Variants in VWA8 observed in about 807,000 individuals in gnomAD.
VWA8 encodes the protein von Willebrand factor A domain containing 8.
VWA8 carries 221 observed loss-of-function variants against 241.5 expected under a neutral mutation model. The observed-to-expected ratio is 0.91, with a 90% CI of 0.82 to 1.02. The LOEUF (loss-of-function observed/expected upper bound fraction) is 1.02. Among genes scored for constraint, VWA8 ranks in the 50% least tolerant of loss-of-function variants. VWA8 has a pLI of 0.00. For missense variants in VWA8, 2,322 were observed against 2,328.7 expected, an observed-to-expected ratio of 1.00 and a Z score of 0.06; for synonymous variants, 852 against 827.1, an observed-to-expected ratio of 1.03 and a Z score of -0.52.
chr13:41,852,444 A>G (rs1189844481), intron 12 of VWA8, among the ~76,000 whole-genome samples: 2 of 152,032 alleles, frequency 1.3e-5, no homozygotes, highest in Non-Finnish European at 2.9e-5. Flanking sequence ...AGTTTGATGC[A>G]TTTATCTCAT....
intron 9 of VWA8, among the ~76,000 whole-genome samples, chr13:41,877,759 C>G (rs1032651606): frequency 3.9e-5 from 6 of 152,066 alleles, no homozygotes; most frequent in African/African-American, 1.4e-4. Context: ...TACTAGAAGC[C>G]TGGATGTATT....
intron 12 of VWA8, among the ~76,000 whole-genome samples, chr13:41,855,493 C>A (rs1872713059): frequency 6.6e-6 from 1 of 150,594 alleles, no homozygotes. Flanking sequence ...AGGTAGTCAG[C>A]AATTAAAAGG....
At chr13:41,819,523 T>C (rs1870857045) in intron 14 of VWA8, 137 bp from the exon 15 acceptor site, 3 of 980,384 alleles carry the variant, frequency 3.1e-6, no homozygotes, top group South Asian at 1.8e-5. Context: ...GGATTAGCTT[T>C]GAAAAAAACA....
intron 37 of VWA8, among the ~76,000 whole-genome samples, chr13:41,616,036 T>C (rs1337668667): frequency 6.6e-6 from 1 of 152,198 alleles, no homozygotes; most frequent in Non-Finnish European, 1.5e-5. Context: ...ACAAAGCCAT[T>C]GACGATTGGT....
chr13:41,695,594 T>C (rs902950534), intron 29 of VWA8, among the ~76,000 whole-genome samples: 1 of 152,298 alleles, frequency 6.6e-6, no homozygotes, highest in Middle Eastern at 3.4e-3. Flanking sequence ...GACAGAGGTA[T>C]ATTGTAAAAT....
intron 1 of VWA8, among the ~76,000 whole-genome samples, chr13:41,959,606 C>CGTTTTTTT (rs1878513145): frequency 1.3e-5 from 1 of 79,648 alleles, no homozygotes; most frequent in African/African-American, 4.4e-5. Flanking sequence ...CCTAAATATG[C>CGTTTTTTT]TTTTTTTTTT....
chr13:41,809,946 T>G (rs1223449012), intron 17 of VWA8, among the ~76,000 whole-genome samples: 3 of 152,010 alleles, frequency 2.0e-5, no homozygotes, highest in African/African-American at 7.2e-5. Flanking sequence ...AAGATCTGAA[T>G]AGAAATTTCT....
chr13:41,759,262 T>A (rs766744915), intron 21 of VWA8, among the ~76,000 whole-genome samples: 1 of 151,646 alleles, frequency 6.6e-6, no homozygotes, highest in Non-Finnish European at 1.5e-5. Flanking sequence ...AATTGAATTG[T>A]GGTTCATATT....
intron 5 of VWA8, 64 bp from the exon 6 acceptor site, chr13:41,887,425 C>T (rs1174039418): frequency 1.1e-5 from 17 of 1,519,246 alleles, no homozygotes; most frequent in Non-Finnish European, 1.3e-5. Flanking sequence ...GTAAGAGCTG[C>T]CAAGTCCAGG....
chr13:41,949,654 T>C (rs1028534825), intron 2 of VWA8, among the ~76,000 whole-genome samples: 6 of 151,912 alleles, frequency 3.9e-5, no homozygotes, highest in Non-Finnish European at 7.4e-5. Context: ...GTGCATTATA[T>C]GTAAATCTTA....
chr13:41,615,036 C>A lies in VWA8; in HGVS notation c.4660G>T (p.Gly1554Trp), dbSNP rs190408463. 35 of 1,613,822 alleles carry A rather than the reference C, an allele frequency of 2.2e-5. No individual in the cohort carries two copies. Among genetic ancestry groups the A allele is most frequent in the Middle Eastern group, 1.7e-4 (1 of 5,948 alleles). The change falls in exon 38 of 45, where the codon GGG (glycine) becomes TGG (tryptophan). Residue 1554 changes from glycine (G) to tryptophan (W), a missense_variant. Physicochemically the swap from Gly to Trp is radical, Grantham distance 184 (BLOSUM62 -2). Transcript: ENST00000379310. ...GGCATGTTGTCTGGGTCCTCCTTCC[C>A]GTGTTTGGGGGAGCTTACATCTTCA... The part of the protein sequence containing the change: ...SGEDVSSPKH[G>W]KEDPDNMPHV...
chr13:41,945,000 A>C (rs573286672), intron 2 of VWA8, among the ~76,000 whole-genome samples: 4 of 152,208 alleles, frequency 2.6e-5, no homozygotes, highest in African/African-American at 4.8e-5. Flanking sequence ...AAGGCCATGC[A>C]TATATTCAGG....
chr13:41,619,897 T>C (rs2044645738), intron 37 of VWA8, among the ~76,000 whole-genome samples: 1 of 152,210 alleles, frequency 6.6e-6, no homozygotes, highest in African/African-American at 2.4e-5. Flanking sequence ...GATTTTTGCA[T>C]CGATGTTCAT....
At chr13:41,753,897 T>C (rs1303723785) in intron 21 of VWA8, among the ~76,000 whole-genome samples, 1 of 152,162 alleles carries the variant, frequency 6.6e-6, no homozygotes, top group East Asian at 1.9e-4. Context: ...TCTTAAACAT[T>C]CTTTATAGAC....
intron 20 of VWA8, among the ~76,000 whole-genome samples, chr13:41,764,907 T>C (rs1013883898): frequency 5.9e-5 from 9 of 152,162 alleles, no homozygotes; most frequent in Non-Finnish European, 1.5e-5. Flanking sequence ...TCTGATGGAA[T>C]GGTACGGTGG....
At chr13:41,934,116 CAA>C (rs551457747) in intron 2 of VWA8, among the ~76,000 whole-genome samples, 4 of 122,068 alleles carry the variant, frequency 3.3e-5, no homozygotes, top group Admixed American at 8.1e-5. Flanking sequence ...AAAAGCAACT[CAA>C]AAAAAAAAAA....
chr13:41,614,844 C>T (rs1356297761), intron 38 of VWA8, 132 bp downstream of exon 38: 1 of 888,726 alleles, frequency 1.1e-6, no homozygotes, highest in Non-Finnish European at 1.7e-6. Context: ...GGCAAGACAA[C>T]AATCCAACTG....
intron 43 of VWA8, among the ~76,000 whole-genome samples, chr13:41,572,151 C>T (rs919102631): frequency 6.6e-6 from 1 of 151,924 alleles, no homozygotes; most frequent in Non-Finnish European, 1.5e-5. Flanking sequence ...CTCCGCCTGG[C>T]AGCCGCCCCG....
intron 41 of VWA8, among the ~76,000 whole-genome samples, chr13:41,589,589 T>C (rs1381571537): frequency 1.3e-5 from 2 of 152,144 alleles, no homozygotes; most frequent in African/African-American, 4.8e-5. Flanking sequence ...TTCCTCCCTC[T>C]CCCCACAAAG....
Sources: allele counts gnomAD v4.1 joint callset (sites outside exome capture counted in the v4.1 genomes callset), GRCh38; gene constraint gnomAD v4.1.1; transcripts MANE v1.5; gene names NCBI Gene and HGNC (gene_info 2026-07-23, HGNC 2026-07-21).